SLC9A9: variants seen among roughly 807,000 people sequenced by gnomAD.
The protein encoded by SLC9A9 is solute carrier family 9 member A9.
Under a neutral mutation model 77.8 loss-of-function variants are expected in SLC9A9, and 62 were observed. The ratio of observed to expected loss-of-function variants is 0.80; its 90% CI spans 0.65 to 0.98. SLC9A9 has a LOEUF of 0.98. Ranked by LOEUF, SLC9A9 falls within the 50% of genes least tolerant of loss-of-function variation. SLC9A9 has a pLI of 0.00. For missense variants in SLC9A9, 775 were observed against 774.9 expected, an observed-to-expected ratio of 1.00 and a Z score of 0.00; for synonymous variants, 320 against 283.5, an observed-to-expected ratio of 1.13 and a Z score of -1.29.
At chr3:143,714,878 A>G (rs1415891995) in intron 4 of SLC9A9, among the ~76,000 whole-genome samples, 1 of 152,116 alleles carries the variant, frequency 6.6e-6, no homozygotes, top group Non-Finnish European at 1.5e-5. Flanking sequence ...TTGAATTCCC[A>G]TGTGTTGTGG....
chr3:143,529,106 G>A lies in SLC9A9; in HGVS notation c.1089+23256C>T, dbSNP rs570080178. On this transcript the variant is annotated intron_variant, in intron 9 of 15. Coordinates refer to ENST00000316549, the MANE Select transcript of SLC9A9 (RefSeq NM_173653.4). ...TGAGTTACCCTGTGCCAACAACAGC[G>A]GGGTGAGCTAAGGTGCTTGAGGGTA... is the stretch of plus-strand genomic sequence containing the variant. Among the ~76,000 whole-genome samples, 8 of 152,286 alleles carry A rather than the reference G, an allele frequency of 5.3e-5. No homozygotes were observed. The South Asian group carries it at 1.5e-3, about 28-fold the overall frequency.
intron 8 of SLC9A9, among the ~76,000 whole-genome samples, chr3:143,572,322 T>TGC (rs4025526): frequency 1.7e-4 from 25 of 148,870 alleles, no homozygotes; most frequent in African/African-American, 5.2e-4. Context: ...TGTGTGTGTG[T>TGC]GCGCGTGTGT....
intron 2 of SLC9A9, 63 bp downstream of exon 2, chr3:143,831,956 C>T: frequency 6.9e-7 from 1 of 1,448,898 alleles, no homozygotes; most frequent in Non-Finnish European, 9.5e-7. Flanking sequence ...AGTATAAAGG[C>T]TCAAATATGA....
At chr3:143,551,692 T>C (rs148780214) in intron 9 of SLC9A9, among the ~76,000 whole-genome samples, 103 of 152,374 alleles carry the variant, frequency 6.8e-4, no homozygotes, top group African/African-American at 2.3e-3. Context: ...CGTATTTCTA[T>C]GACAATACTT....
intron 9 of SLC9A9, among the ~76,000 whole-genome samples, chr3:143,501,920 T>G (rs556324118): frequency 6.6e-6 from 1 of 150,906 alleles, no homozygotes; most frequent in South Asian, 2.1e-4. Flanking sequence ...CCGTTAGGAC[T>G]TCATTGCCTG....
intron 4 of SLC9A9, among the ~76,000 whole-genome samples, chr3:143,752,366 T>A (rs945945791): frequency 6.6e-6 from 1 of 152,196 alleles, no homozygotes; most frequent in African/African-American, 2.4e-5. Flanking sequence ...AGTCTCCAGA[T>A]GAGACCGTAA....
At chr3:143,667,815 T>C (rs1159511661) in intron 5 of SLC9A9, among the ~76,000 whole-genome samples, 1 of 152,144 alleles carries the variant, frequency 6.6e-6, no homozygotes, top group African/African-American at 2.4e-5. Flanking sequence ...ATGGCGATCA[T>C]TAAAAAGTCA....
At chr3:143,341,379 A>T (rs923191644) in intron 14 of SLC9A9, among the ~76,000 whole-genome samples, 1 of 152,190 alleles carries the variant, frequency 6.6e-6, no homozygotes, top group Non-Finnish European at 1.5e-5. Flanking sequence ...ATCCATTCAT[A>T]ACTGTATTGA....
intron 13 of SLC9A9, among the ~76,000 whole-genome samples, chr3:143,375,589 T>C (rs992826596): frequency 1.3e-5 from 2 of 152,188 alleles, no homozygotes; most frequent in African/African-American, 4.8e-5. Context: ...GGCACTTAAG[T>C]CATCCCTATT....
At chr3:143,791,696 G>A (rs1480304973) in intron 4 of SLC9A9, among the ~76,000 whole-genome samples, 2 of 152,128 alleles carry the variant, frequency 1.3e-5, no homozygotes, top group South Asian at 4.1e-4. Context: ...GTCTGCCCAG[G>A]ATCCACTTCC....
Position 143,363,538 on chromosome 3 carries a change from A to G in SLC9A9, c.1550T>C (p.Met517Thr). The G allele has an allele frequency of 6.2e-7, 1 of 1,612,982 alleles. No individual in the cohort carries two copies. Among genetic ancestry groups the G allele is most frequent in the Non-Finnish European group, 8.5e-7 (1 of 1,179,230 alleles). The part of the protein sequence containing the change: ...HQEANNLDKN[M>T]TKAESARLFR... ...GAGCCGAGCACTCTCTGCTTTCGTC[A>G]TGTTTTTATCCAAGTTATTTGCTTC... Residue 517 changes from methionine to threonine, a missense_variant, in exon 14 of 16, where the codon ATG (methionine) becomes ACG (threonine). Transcript: ENST00000316549.
chr3:143,560,931 A>C (rs1428281793), intron 8 of SLC9A9, among the ~76,000 whole-genome samples: 5 of 152,248 alleles, frequency 3.3e-5, no homozygotes, highest in Admixed American at 6.5e-5. Flanking sequence ...CTGTAATCCC[A>C]GCACTTTGGG....
intron 14 of SLC9A9, among the ~76,000 whole-genome samples, chr3:143,341,025 C>T (rs1473109073): frequency 1.3e-5 from 2 of 152,176 alleles, no homozygotes; most frequent in East Asian, 3.8e-4. Context: ...TAAGAAAGTT[C>T]TAAAGAAATC....
intron 4 of SLC9A9, among the ~76,000 whole-genome samples, chr3:143,707,056 A>C (rs1934001532): frequency 6.6e-6 from 1 of 152,114 alleles, no homozygotes. Context: ...TGCATAAGTG[A>C]GTGTGTTAAG....
chr3:143,551,669 T>G (rs79640169), intron 9 of SLC9A9, among the ~76,000 whole-genome samples: 5,424 of 152,346 alleles, frequency 0.036, 140 homozygotes, highest in South Asian at 0.092. Context: ...AAGCTCCTTA[T>G]GCACACTATA....
At chr3:143,842,839 G>C (rs1394147727) in intron 1 of SLC9A9, among the ~76,000 whole-genome samples, 2 of 152,184 alleles carry the variant, frequency 1.3e-5, no homozygotes, top group Non-Finnish European at 2.9e-5. Flanking sequence ...TATCATTATA[G>C]GCTGCCATGT....
chr3:143,524,593 A>G (rs2036372256), intron 9 of SLC9A9, among the ~76,000 whole-genome samples: 1 of 152,180 alleles, frequency 6.6e-6, no homozygotes, highest in African/African-American at 2.4e-5. Context: ...AATCTACACT[A>G]AATCATTCAG....
intron 5 of SLC9A9, among the ~76,000 whole-genome samples, chr3:143,677,704 G>T (rs1038947695): frequency 6.6e-6 from 1 of 152,132 alleles, no homozygotes; most frequent in African/African-American, 2.4e-5. Flanking sequence ...AAACTGTTAG[G>T]GGTAAAATGA....
intron 12 of SLC9A9, among the ~76,000 whole-genome samples, chr3:143,424,950 T>C (rs1188368965): frequency 6.6e-6 from 1 of 152,222 alleles, no homozygotes; most frequent in Non-Finnish European, 1.5e-5. Context: ...AACCACACAG[T>C]ACTTAATAGC....
Sources: allele counts gnomAD v4.1 joint callset (sites outside exome capture counted in the v4.1 genomes callset), GRCh38; gene constraint gnomAD v4.1.1; transcripts MANE v1.5; gene names NCBI Gene and HGNC (gene_info 2026-07-23, HGNC 2026-07-21).